ARID1B: variants seen among roughly 807,000 people sequenced by gnomAD.
ARID1B encodes AT-rich interaction domain 1B.
Under a neutral mutation model 212.3 loss-of-function variants are expected in ARID1B, and 30 were observed. That is an observed-to-expected ratio of 0.14 (90% CI 0.11 to 0.19). The LOEUF is 0.19. Ranked by LOEUF, ARID1B falls within the 10% of genes least tolerant of loss-of-function variation. The probability of loss-of-function intolerance (pLI) is 1.00; values close to 1 mark genes in which losing one functional copy is unlikely to be tolerated. For synonymous variants in ARID1B, 1,402 were observed against 1,301.7 expected, an observed-to-expected ratio of 1.08 and a Z score of -1.66; for missense variants, 2,891 against 3,204.0, an observed-to-expected ratio of 0.90 and a Z score of 2.36.
Position 156,778,871 on chromosome 6 carries a change from C to A in ARID1B, c.1191C>A (p.Gly397=), listed in dbSNP as rs184815562. Residue 397 remains glycine, a synonymous_variant, in exon 1 of 20, where the codon GGC becomes GGA. Transcript: ENST00000636930. ...PGAGGGGGGG[G]GGGGGSGGGG... ...CGGGCGGCGGCGGCGGCGGCGGCGG[C>A]GGAGGAGGAGGAGGCAGCGGAGGAG... 1,116 of 1,337,884 alleles carry A rather than the reference C, an allele frequency of 8.3e-4. No individual in the cohort carries two copies. The highest frequency in any genetic ancestry group is 2.4e-3 in the South Asian group (128 of 52,652). 82.9% of individuals were successfully genotyped at this position (1,337,884 alleles called of 1,614,324 possible). A position where few individuals can be genotyped will look rare whatever the true frequency, so the allele number is the denominator to read the frequency against.
chr6:157,047,799 T>C (rs757101533), intron 4 of ARID1B, among the ~76,000 whole-genome samples: 4 of 152,200 alleles, frequency 2.6e-5, no homozygotes. Context: ...GAGGACTTAA[T>C]TTTCTAGTAA....
At chr6:156,874,889 T>C (rs1277781470) in intron 2 of ARID1B, among the ~76,000 whole-genome samples, 1 of 152,176 alleles carries the variant, frequency 6.6e-6, no homozygotes, top group Non-Finnish European at 1.5e-5. Context: ...TGACTTATGG[T>C]AATTGGAATA....
chr6:156,909,198 T>C (rs1475360066), intron 3 of ARID1B, among the ~76,000 whole-genome samples: 1 of 143,468 alleles, frequency 7.0e-6, no homozygotes, highest in East Asian at 2.1e-4. Context: ...CAATCTTGGC[T>C]CACTGCGGCA....
rs34825630 is a variant in ARID1B at position 157,079,027 on chromosome 6, C to CT, written c.2248-5628dup. On this transcript the variant is annotated intron_variant, in intron 4 of 19. Coordinates refer to ENST00000636930, the MANE Select transcript of ARID1B (RefSeq NM_001374828.1). ...GAACTAATTTTAAATTAACATCAAC[C>CT]TTTTTTTCCAGCTGACCTCGTACAT... is the stretch of plus-strand genomic sequence containing the variant. Among the ~76,000 whole-genome samples the CT allele has an allele frequency of 2.6e-5, 4 of 152,244 alleles. No individual in the cohort carries two copies. In the South Asian group the frequency reaches 8.3e-4, roughly 32 times the overall value.
At chr6:157,154,580 G>GTTTTTTTTTTTTTTTTTTTTT in intron 8 of ARID1B, among the ~76,000 whole-genome samples, 1 of 111,566 alleles carries the variant, frequency 9.0e-6, no homozygotes, top group Non-Finnish European at 1.8e-5. Flanking sequence ...TTTTTTTTTT[G>GTTTTTTTTTTTTTTTTTTTTT]TTTTTTTTTT....
At chr6:157,073,369 G>T (rs955825229) in intron 4 of ARID1B, among the ~76,000 whole-genome samples, 1 of 151,900 alleles carries the variant, frequency 6.6e-6, no homozygotes, top group African/African-American at 2.4e-5. Context: ...CTCCCAAAGT[G>T]CTAGGATTAC....
chr6:157,036,901 G>A (rs1267942338), intron 4 of ARID1B: 3 of 495,806 alleles, frequency 6.1e-6, no homozygotes, highest in Non-Finnish European at 1.2e-5. Context: ...GTAGTTCATT[G>A]TGGAGGTTTT....
intron 12 of ARID1B, among the ~76,000 whole-genome samples, chr6:157,182,731 G>C (rs141808783): frequency 1.3e-5 from 2 of 152,182 alleles, no homozygotes; most frequent in African/African-American, 4.8e-5. Flanking sequence ...TGCATAACCA[G>C]CTGCTAAGTC....
At chr6:156,981,655 A>T (rs985742319) in intron 4 of ARID1B, among the ~76,000 whole-genome samples, 4 of 152,198 alleles carry the variant, frequency 2.6e-5, no homozygotes, top group Admixed American at 6.5e-5. Flanking sequence ...CTACCCATCT[A>T]ATCCCATCAG....
At chr6:157,099,932 C>T (rs1172112525) in intron 5 of ARID1B, among the ~76,000 whole-genome samples, 1 of 152,160 alleles carries the variant, frequency 6.6e-6, no homozygotes, top group Admixed American at 6.5e-5. Context: ...GTCAGATAGC[C>T]TCTGAAGTGC....
At chr6:157,145,232 A>T (rs1485445609) in intron 7 of ARID1B, among the ~76,000 whole-genome samples, 1 of 152,130 alleles carries the variant, frequency 6.6e-6, no homozygotes, top group East Asian at 1.9e-4. Flanking sequence ...TTGTCCCAAG[A>T]CCGGTCTGTA....
At chr6:157,093,043 CTG>C (rs1405887490) in intron 5 of ARID1B, among the ~76,000 whole-genome samples, 2 of 152,214 alleles carry the variant, frequency 1.3e-5, no homozygotes, top group Admixed American at 1.3e-4. Context: ...TGTGCTGCCT[CTG>C]TGGAAATGCT....
intron 4 of ARID1B, among the ~76,000 whole-genome samples, chr6:156,969,682 T>G (rs1776784554): frequency 6.6e-6 from 1 of 152,220 alleles, no homozygotes; most frequent in South Asian, 2.1e-4. Flanking sequence ...TAACTGTTAA[T>G]CTAGAACTCT....
chr6:157,190,218 T>C lies in ARID1B; in HGVS notation c.4231+8T>C, dbSNP rs1473055659. ...TTGGGGGAATGAGAAAAGGTACGTG[T>C]AGAGGGGCCTCCACCCGGCCATGGA... On this transcript the variant is annotated splice_region_variant and intron_variant, in intron 15 of 19. Transcript: ENST00000636930. This position sits in a 1 kb window ranked among gnomAD's most constrained non-coding sequence, Gnocchi z 4.6. The C allele has an allele frequency of 6.2e-7, 1 of 1,603,378 alleles. No individual in the cohort carries two copies. Among genetic ancestry groups the C allele is most frequent in the Admixed American group, 1.7e-5 (1 of 57,958 alleles).
intron 12 of ARID1B, among the ~76,000 whole-genome samples, chr6:157,183,017 A>C (rs1418211969): frequency 6.6e-6 from 1 of 152,080 alleles, no homozygotes; most frequent in Admixed American, 6.5e-5. Flanking sequence ...ATATATAACC[A>C]GGCTGGGTCT....
intron 9 of ARID1B, chr6:157,167,957 A>C (rs2128293041): frequency 6.6e-6 from 1 of 152,354 alleles, no homozygotes; most frequent in Non-Finnish European, 1.5e-5. Context: ...ACTCTCTGTC[A>C]CATGTTAAAA....
chr6:157,087,752 A>C (rs910535894), intron 5 of ARID1B, among the ~76,000 whole-genome samples: 7 of 151,986 alleles, frequency 4.6e-5, no homozygotes, highest in African/African-American at 7.3e-5. Flanking sequence ...TGCTAGAGCT[A>C]GCCATGAAAG....
At chr6:157,141,729 T>C (rs1326199433) in intron 7 of ARID1B, among the ~76,000 whole-genome samples, 22 of 152,196 alleles carry the variant, frequency 1.4e-4, no homozygotes, top group Admixed American at 1.4e-3. Context: ...AAATGAAAAC[T>C]AAAGCCACGT....
chr6:157,082,129 G>T (rs1029263688), intron 4 of ARID1B, among the ~76,000 whole-genome samples: 1 of 152,128 alleles, frequency 6.6e-6, no homozygotes, highest in African/African-American at 2.4e-5. Flanking sequence ...TTTTCAGGGG[G>T]ATGTAGTAAC....
Sources: allele counts gnomAD v4.1 joint callset (sites outside exome capture counted in the v4.1 genomes callset), GRCh38; gene constraint gnomAD v4.1.1; non-coding constraint Gnocchi (gnomAD v3.1); transcripts MANE v1.5; gene names NCBI Gene and HGNC (gene_info 2026-07-23, HGNC 2026-07-21).